PHEX: variants seen among roughly 807,000 people sequenced by gnomAD.
PHEX encodes phosphate-regulating neutral endopeptidase PHEX.
In PHEX, 16 loss-of-function variants were observed where a neutral mutation model predicts 68.0. The observed-to-expected ratio is 0.24, with a 90% CI of 0.16 to 0.36. The LOEUF is 0.36. Ranked by LOEUF, PHEX falls within the 10% of genes least tolerant of loss-of-function variation. The pLI, the probability that PHEX is intolerant of heterozygous loss-of-function variation, is 1.00. For missense variants in PHEX, 480 were observed against 575.5 expected, an observed-to-expected ratio of 0.83 and a Z score of 1.70; for synonymous variants, 208 against 205.1, an observed-to-expected ratio of 1.01 and a Z score of -0.12.
intron 1 of PHEX, among the ~76,000 whole-genome samples, chrX:22,034,384 T>C (rs753505081): frequency 8.9e-6 from 1 of 112,525 alleles, no homozygotes; most frequent in South Asian, 3.6e-4. Flanking sequence ...ATATTACCAC[T>C]GCACGAAACT....
chrX:22,039,325 G>T (rs1488660635), intron 2 of PHEX, among the ~76,000 whole-genome samples: 3 of 112,383 alleles, frequency 2.7e-5, no homozygotes, highest in African/African-American at 6.5e-5. Flanking sequence ...AGGTGACCAG[G>T]CTGTGTATCA....
intron 9 of PHEX, among the ~76,000 whole-genome samples, chrX:22,107,630 G>A (rs1289681591): frequency 8.9e-6 from 1 of 111,778 alleles, no homozygotes; most frequent in African/African-American, 3.3e-5. Context: ...CAGAGTTCAC[G>A]TTCCTGTTTG....
intron 15 of PHEX, among the ~76,000 whole-genome samples, chrX:22,193,226 G>C (rs1015365390): frequency 9.0e-6 from 1 of 110,968 alleles, no homozygotes; most frequent in East Asian, 2.8e-4. Context: ...TTGGGAAATA[G>C]AAATTGTTTA....
intron 20 of PHEX, among the ~76,000 whole-genome samples, chrX:22,229,482 C>T (rs994456338): frequency 1.8e-5 from 2 of 112,346 alleles, no homozygotes; most frequent in Non-Finnish European, 3.8e-5. Flanking sequence ...TTGCATTTCT[C>T]TAATGACCAG....
At chrX:22,237,599 GT>G (rs1345081553) in intron 20 of PHEX, among the ~76,000 whole-genome samples, 2 of 111,528 alleles carry the variant, frequency 1.8e-5, no homozygotes, top group Non-Finnish European at 3.8e-5. Flanking sequence ...CAAAATCTGG[GT>G]TTTATTATTT....
At chrX:22,241,229 G>T (rs1181906344) in intron 20 of PHEX, among the ~76,000 whole-genome samples, 2 of 111,966 alleles carry the variant, frequency 1.8e-5, no homozygotes, top group Non-Finnish European at 3.8e-5. Flanking sequence ...TGAAACTAAC[G>T]AGAACAAAGA....
intron 15 of PHEX, among the ~76,000 whole-genome samples, chrX:22,194,119 G>T (rs1934289781): frequency 8.9e-6 from 1 of 111,978 alleles, no homozygotes. Context: ...CCTATCAGAG[G>T]TTTACTGAGG....
At chrX:22,038,319 T>G (rs1370442763) in intron 1 of PHEX, 150 bp from the exon 2 acceptor site, 9 of 549,626 alleles carry the variant, frequency 1.6e-5, no homozygotes, top group Non-Finnish European at 2.3e-5. Context: ...GAGTCTGGTT[T>G]CGTGACATTG....
At chrX:22,091,617 A>C (rs1023706920) in intron 6 of PHEX, among the ~76,000 whole-genome samples, 11 of 111,556 alleles carry the variant, frequency 9.9e-5, no homozygotes, top group African/African-American at 3.3e-4. Flanking sequence ...ACAGGGTCTA[A>C]ATTCTTTAGA....
At chrX:22,191,909 C>T (rs1934210717) in intron 15 of PHEX, among the ~76,000 whole-genome samples, 1 of 112,174 alleles carries the variant, frequency 8.9e-6, no homozygotes, top group Non-Finnish European at 1.9e-5. Flanking sequence ...GGATGAATTT[C>T]ACAAGTAAAA....
chrX:22,089,806 T>A (rs982845827), intron 5 of PHEX, among the ~76,000 whole-genome samples: 1 of 112,535 alleles, frequency 8.9e-6, no homozygotes, highest in Non-Finnish European at 1.9e-5. Flanking sequence ...GGTTATTATT[T>A]GTGTTTTTAT....
chrX:22,128,245 T>C (rs1466202590), intron 11 of PHEX, among the ~76,000 whole-genome samples: 1 of 108,224 alleles, frequency 9.2e-6, no homozygotes, highest in East Asian at 2.9e-4. Flanking sequence ...TTGTATCTAG[T>C]AGAGACGGGG....
At chrX:22,127,166 C>T (rs1305691316) in intron 11 of PHEX, among the ~76,000 whole-genome samples, 2 of 110,728 alleles carry the variant, frequency 1.8e-5, no homozygotes, top group African/African-American at 6.6e-5. Flanking sequence ...GCCATTGCGC[C>T]CTGCCCCTGA....
intron 21 of PHEX, among the ~76,000 whole-genome samples, chrX:22,246,309 C>CAT (rs1936390568): frequency 8.9e-6 from 1 of 111,962 alleles, no homozygotes; most frequent in African/African-American, 3.2e-5. Context: ...TTGTTTAGGG[C>CAT]ATTATATCTG....
intron 15 of PHEX, among the ~76,000 whole-genome samples, chrX:22,209,771 C>G (rs1458469898): frequency 8.5e-5 from 7 of 82,161 alleles, no homozygotes; most frequent in Non-Finnish European, 1.5e-4. Context: ...TCCTCCCTCT[C>G]CTCCCTCTCC....
chrX:22,246,031 T>G (rs1267986849), intron 21 of PHEX, among the ~76,000 whole-genome samples: 2 of 112,068 alleles, frequency 1.8e-5, no homozygotes, highest in Non-Finnish European at 3.8e-5. Context: ...TCAGCAATTA[T>G]AATTTATATC....
At chrX:22,168,453 A>C in intron 13 of PHEX, 64 bp downstream of exon 13, 1 of 717,774 alleles carries the variant, frequency 1.4e-6, no homozygotes, top group Non-Finnish European at 2.2e-6. Flanking sequence ...GTGCCTTTCA[A>C]CTAACCCAAG....
At chrX:22,203,452 G>A (rs776291062) in intron 15 of PHEX, among the ~76,000 whole-genome samples, 1 of 109,881 alleles carries the variant, frequency 9.1e-6, no homozygotes, top group African/African-American at 3.3e-5. Context: ...TCTGGAAAGG[G>A]GAAGGTTGGC....
chrX:22,041,772 T>G (rs907407648), intron 2 of PHEX, among the ~76,000 whole-genome samples: 2 of 110,528 alleles, frequency 1.8e-5, no homozygotes, highest in African/African-American at 6.6e-5. Flanking sequence ...CAACTTGAGT[T>G]TAGAACACTT....
Sources: gnomAD v4.1 joint callset for allele counts (sites outside exome capture counted in the v4.1 genomes callset) on GRCh38, gnomAD v4.1.1 for gene constraint, MANE v1.5 for transcripts, NCBI Gene and HGNC (gene_info 2026-07-23, HGNC 2026-07-21) for gene names.